DIS3L2: variants seen among roughly 807,000 people sequenced by gnomAD.
The protein encoded by DIS3L2 is DIS3 like 3'-5' exoribonuclease 2, also known as DIS3-like exonuclease 2.
Under a neutral mutation model 97.5 loss-of-function variants are expected in DIS3L2, and 34 were observed. The observed-to-expected ratio is 0.35, with a 90% CI of 0.27 to 0.46. DIS3L2 has a LOEUF of 0.46. DIS3L2 is among the 20% of genes least tolerant of loss of function. DIS3L2 has a pLI of 1.00. For synonymous variants in DIS3L2, 435 were observed against 445.2 expected (o/e 0.98, Z 0.29); for missense variants, 1,038 against 1,146.0 (o/e 0.91, Z 1.36).
chr2:232,205,460 A>C (rs939561355), intron 9 of DIS3L2, among the ~76,000 whole-genome samples: 1 of 151,664 alleles, frequency 6.6e-6, no homozygotes, highest in African/African-American at 2.4e-5. Context: ...ATGCCACCAC[A>C]ATGGCTAATT....
chr2:232,073,234 G>A (rs143123446), intron 5 of DIS3L2, among the ~76,000 whole-genome samples: 19 of 152,162 alleles, frequency 1.2e-4, no homozygotes, highest in African/African-American at 4.6e-4. Flanking sequence ...TGGCAAGTGA[G>A]TGCTGTCATT....
intron 6 of DIS3L2, among the ~76,000 whole-genome samples, chr2:232,099,304 C>T (rs1197479437): frequency 1.3e-5 from 2 of 152,040 alleles, no homozygotes; most frequent in African/African-American, 2.4e-5. Flanking sequence ...TATCCTCTGC[C>T]TCTTGGGTTC....
At chr2:232,062,021 T>A (rs1387341785) in intron 5 of DIS3L2, among the ~76,000 whole-genome samples, 1 of 144,896 alleles carries the variant, frequency 6.9e-6, no homozygotes, top group Non-Finnish European at 1.5e-5. Flanking sequence ...TATATTTTTT[T>A]AAAATTAGGT....
chr2:232,167,436 ATTTTAC>A (rs1690857518), intron 9 of DIS3L2, among the ~76,000 whole-genome samples: 2 of 152,186 alleles, frequency 1.3e-5, no homozygotes, highest in Non-Finnish European at 2.9e-5. Context: ...ATTTATTAAA[ATTTTAC>A]TTTAACAACT....
chr2:232,249,686 G>C (rs1265903985), intron 12 of DIS3L2, among the ~76,000 whole-genome samples: 2 of 152,242 alleles, frequency 1.3e-5, no homozygotes, highest in Admixed American at 1.3e-4. Context: ...GGGCAGCCCA[G>C]CCTGCAGTTA....
chr2:232,032,767 T>A (rs1168928538), intron 5 of DIS3L2, among the ~76,000 whole-genome samples: 1 of 152,214 alleles, frequency 6.6e-6, no homozygotes, highest in Non-Finnish European at 1.5e-5. Flanking sequence ...CCATTGCTTG[T>A]TTTTGTCAGG....
chr2:232,275,516 G>A (rs1311246771), intron 13 of DIS3L2, among the ~76,000 whole-genome samples: 1 of 152,086 alleles, frequency 6.6e-6, no homozygotes, highest in Non-Finnish European at 1.5e-5. Flanking sequence ...ATGTGGTACT[G>A]CTCTTCCTCA....
At chr2:232,319,111 G>A (rs1389696580) in intron 14 of DIS3L2, among the ~76,000 whole-genome samples, 2 of 152,144 alleles carry the variant, frequency 1.3e-5, no homozygotes, top group African/African-American at 2.4e-5. Context: ...CTGGGCAGAT[G>A]GTATCGAGTA....
chr2:231,995,927 T>C (rs1300881329), intron 1 of DIS3L2, among the ~76,000 whole-genome samples: 1 of 152,174 alleles, frequency 6.6e-6, no homozygotes, highest in Non-Finnish European at 1.5e-5. Context: ...TTCTTTAAAA[T>C]TGGTCATTTG....
chr2:232,107,690 G>A (rs894126902), intron 6 of DIS3L2, among the ~76,000 whole-genome samples: 7 of 152,128 alleles, frequency 4.6e-5, no homozygotes, highest in African/African-American at 1.7e-4. Flanking sequence ...GCGACAGAGC[G>A]AGACTCCATC....
chr2:232,030,197 G>A, intron 5 of DIS3L2, 117 bp downstream of exon 5: 2 of 800,448 alleles, frequency 2.5e-6, no homozygotes, highest in South Asian at 3.3e-5. Flanking sequence ...GCTGTGATAA[G>A]ATGGGGTGTA....
rs192848703 is a variant in DIS3L2, at chr2:232,330,361, G to A, written c.1924-329G>A. 9.8e-5 allele frequency among the ~76,000 whole-genome samples: 15 copies of A among 152,330 alleles called. No homozygotes were observed. The East Asian group carries it at 2.5e-3, about 26-fold the overall frequency. On this transcript the variant is annotated intron_variant, in intron 15 of 20. Transcript: ENST00000325385. ...TACTTTCAGGTGCTCCCTGCCTGGG[G>A]CAAAGCTAAGAAACCCAGGGCCTTG...
intron 6 of DIS3L2, among the ~76,000 whole-genome samples, chr2:232,115,895 T>C (rs1697692024): frequency 6.6e-6 from 1 of 152,144 alleles, no homozygotes; most frequent in African/African-American, 2.4e-5. Flanking sequence ...GCTGGCGCGG[T>C]GGCTCACACA....
chr2:232,029,238 G>A (rs1694740899), intron 4 of DIS3L2, among the ~76,000 whole-genome samples: 1 of 152,168 alleles, frequency 6.6e-6, no homozygotes, highest in Non-Finnish European at 1.5e-5. Context: ...GAGAATAGAA[G>A]GATAAGAGTA....
At chr2:232,141,230 C>T (rs542967243) in intron 8 of DIS3L2, among the ~76,000 whole-genome samples, 3 of 152,114 alleles carry the variant, frequency 2.0e-5, no homozygotes, top group South Asian at 2.1e-4. Context: ...CTTCTCTTTC[C>T]GGGATGTCTT....
chr2:232,100,804 G>GGTGTGTGTGTGTGT (rs61079731), intron 6 of DIS3L2, among the ~76,000 whole-genome samples: 14 of 147,630 alleles, frequency 9.5e-5, no homozygotes, highest in Non-Finnish European at 1.5e-4. Context: ...TTGAAAGAAA[G>GGTGTGTGTGTGTGT]GTGTGTGTGT....
chr2:232,029,917 A>G (rs528487263), intron 4 of DIS3L2, 62 bp from the exon 5 acceptor site: 68 of 1,189,946 alleles, frequency 5.7e-5, no homozygotes, highest in East Asian at 5.1e-4. Context: ...AAAGCAGGCA[A>G]TCTGTTTTTT....
rs143034494 is a variant in DIS3L2, at chr2:232,257,431, C to T, written c.1426-5776C>T. Reference sequence around the variant, plus strand: ...TGGCACCTTTGACTTTTCTCACTGCCGGGCTGCCCCTACTAAGGATGATTG... The same window carrying T: ...TGGCACCTTTGACTTTTCTCACTGCTGGGCTGCCCCTACTAAGGATGATTG... On this transcript the variant is annotated intron_variant, in intron 12 of 20. Coordinates refer to ENST00000325385, the MANE Select transcript of DIS3L2 (RefSeq NM_152383.5). 2.6e-5 allele frequency among the ~76,000 whole-genome samples: 4 copies of T among 152,282 alleles called. No homozygotes were observed. In the East Asian group the frequency reaches 5.8e-4, roughly 22 times the overall value.
intron 10 of DIS3L2, among the ~76,000 whole-genome samples, chr2:232,213,661 G>GGTTT (rs1692252705): frequency 5.0e-5 from 4 of 80,740 alleles, no homozygotes; most frequent in African/African-American, 1.9e-4. Flanking sequence ...ATCATCTGTA[G>GGTTT]TTTTTTTTTT....
Sources: gnomAD v4.1 joint callset for allele counts (sites outside exome capture counted in the v4.1 genomes callset) on GRCh38, gnomAD v4.1.1 for gene constraint, MANE v1.5 for transcripts, NCBI Gene and HGNC (gene_info 2026-07-23, HGNC 2026-07-21) for gene names.